The following TANGO2 variants were observed in gnomAD, a reference collection of about 807,000 sequenced individuals.
TANGO2 encodes transport and golgi organization 2 homolog.
Under a neutral mutation model 39.1 loss-of-function variants are expected in TANGO2, and 26 were observed. The ratio of observed to expected loss-of-function variants is 0.67; its 90% confidence interval spans 0.49 to 0.92. The LOEUF (loss-of-function observed/expected upper bound fraction) is 0.92, where lower values mean the gene tolerates loss of function less well. Ranked by LOEUF, TANGO2 falls within the 40% of genes least tolerant of loss-of-function variation. TANGO2 has a pLI of 0.00. For synonymous variants in TANGO2, 131 were observed against 144.5 expected, an observed-to-expected ratio of 0.91 and a Z score of 0.67; for missense variants, 326 against 360.1, an observed-to-expected ratio of 0.91 and a Z score of 0.77.
intron 2 of TANGO2, among the ~76,000 whole-genome samples, chr22:20,038,945 T>C (rs1043011363): frequency 6.6e-6 from 1 of 151,566 alleles, no homozygotes; most frequent in Non-Finnish European, 1.5e-5. Context: ...TTTATTATTA[T>C]TATTATTATT....
At chr22:20,040,036 G>T (rs966321798) in intron 2 of TANGO2, among the ~76,000 whole-genome samples, 1 of 152,160 alleles carries the variant, frequency 6.6e-6, no homozygotes, top group African/African-American at 2.4e-5. Context: ...CTCTCTGGAC[G>T]TGGGGCGCAG....
In TANGO2 at chr22:20,040,706, C is replaced by A. The variant is rs373850943; in HGVS notation, c.57-2649C>A. Among the ~76,000 whole-genome samples, 5 of 152,348 alleles carry A rather than the reference C, an allele frequency of 3.3e-5. No homozygotes were observed. The East Asian group carries it at 9.6e-4, about 29-fold the overall frequency. ...ATCCAGGTCTGGGGCAAGTGCACTGCCTTCTACTAGCACTGTCCAGCCCAG... is the reference window on the plus strand; with the variant it reads ...ATCCAGGTCTGGGGCAAGTGCACTGACTTCTACTAGCACTGTCCAGCCCAG... On this transcript the variant is annotated intron_variant, in intron 2 of 8. Coordinates refer to ENST00000327374, the MANE Select transcript of TANGO2 (RefSeq NM_152906.7).
At chr22:20,044,595 C>A (rs370250447) in intron 3 of TANGO2, among the ~76,000 whole-genome samples, 18 of 152,248 alleles carry the variant, frequency 1.2e-4, no homozygotes, top group South Asian at 1.0e-3. Flanking sequence ...CCTGTGTAGG[C>A]CTGTGGCCTG....
intron 1 of TANGO2, among the ~76,000 whole-genome samples, chr22:20,027,722 C>T (rs772711953): frequency 1.3e-5 from 2 of 152,172 alleles, no homozygotes; most frequent in South Asian, 2.1e-4. Context: ...ATCCTTCTGC[C>T]TCAGCCTCCT....
chr22:20,059,477 C>A (rs773020949), intron 6 of TANGO2, among the ~76,000 whole-genome samples: 1 of 152,216 alleles, frequency 6.6e-6, no homozygotes, highest in African/African-American at 2.4e-5. Flanking sequence ...CCAAAGCAGC[C>A]GCAGCATTAT....
intron 1 of TANGO2, among the ~76,000 whole-genome samples, chr22:20,026,176 G>C (rs566196128): frequency 6.6e-6 from 1 of 152,196 alleles, no homozygotes; most frequent in Non-Finnish European, 1.5e-5. Flanking sequence ...GAGGCGGGGG[G>C]ATCATGAGGT....
chr22:20,021,844 CT>C lies in TANGO2; in HGVS notation c.-40+599del, dbSNP rs1338889978. Among the ~76,000 whole-genome samples, 4 of 152,350 alleles carry C rather than the reference CT, an allele frequency of 2.6e-5. No homozygotes were observed. The East Asian group carries it at 5.8e-4, about 22-fold the overall frequency. ...GCTGAGACCCCCACCTTCCCTGCCCCTAGCACCTCTCCTGTGCTCCCTTGGC... is the reference window on the plus strand; with the variant it reads ...GCTGAGACCCCCACCTTCCCTGCCCCAGCACCTCTCCTGTGCTCCCTTGGC... On this transcript the variant is annotated intron_variant, in intron 1 of 8. Transcript: ENST00000327374.
chr22:20,022,116 C>G (rs998627917), intron 1 of TANGO2, among the ~76,000 whole-genome samples: 1 of 152,270 alleles, frequency 6.6e-6, no homozygotes, highest in African/African-American at 2.4e-5. Context: ...AAGGCTTTCT[C>G]ACGCTAGCTC....
intron 2 of TANGO2, among the ~76,000 whole-genome samples, chr22:20,041,918 G>A (rs2044023808): frequency 6.6e-6 from 1 of 152,158 alleles, no homozygotes. Flanking sequence ...GTGATGGCAG[G>A]ACAGCTGAGC....
chr22:20,052,428 G>A (rs1179296509), intron 3 of TANGO2, 37 bp from the exon 4 acceptor site: 1 of 1,571,560 alleles, frequency 6.4e-7, no homozygotes, highest in African/African-American at 1.3e-5. Context: ...ACTGGAATGG[G>A]TGGCATCAAT....
At chr22:20,035,034 G>A (rs1276736312) in intron 1 of TANGO2, among the ~76,000 whole-genome samples, 3 of 152,172 alleles carry the variant, frequency 2.0e-5, no homozygotes, top group Non-Finnish European at 4.4e-5. Flanking sequence ...CAGGGCACCC[G>A]GCAAGGGGAC....
At chr22:20,039,154 G>A (rs115650955) in intron 2 of TANGO2, among the ~76,000 whole-genome samples, 7,256 of 149,144 alleles carry the variant, frequency 0.049, 210 homozygotes, top group African/African-American at 0.055. Context: ...GGGTGGTCTC[G>A]AACTCCTGGG....
upstream of TANGO2, chr22:20,017,073 C>G (rs1191809519): frequency 6.6e-6 from 1 of 152,184 alleles, no homozygotes; most frequent in Non-Finnish European, 1.5e-5. Flanking sequence ...GGACCGCTCC[C>G]TCCCAGCCGA....
chr22:20,040,081 T>C lies in TANGO2; in HGVS notation c.56+3227T>C, dbSNP rs143084532. On this transcript the variant is annotated intron_variant, in intron 2 of 8. Coordinates refer to ENST00000327374, the MANE Select transcript of TANGO2 (RefSeq NM_152906.7). Reference sequence around the variant, plus strand: ...TACCCATGTGCAGCCCCACCAGTGATGACTGAGAGAGCTACTTCCTCCTCC... The same window carrying C: ...TACCCATGTGCAGCCCCACCAGTGACGACTGAGAGAGCTACTTCCTCCTCC... Among the ~76,000 whole-genome samples, 483 of 152,294 alleles carry C rather than the reference T, an allele frequency of 3.2e-3. 11 individuals are homozygous for C. The South Asian group carries it at 0.054, about 17-fold the overall frequency.
chr22:20,022,664 G>A (rs1318125773), intron 1 of TANGO2, among the ~76,000 whole-genome samples: 2 of 152,256 alleles, frequency 1.3e-5, no homozygotes, highest in South Asian at 4.1e-4. Context: ...CACGTGCAGT[G>A]TCCTGGGAAC....
At chr22:20,055,252 C>T (rs1443035057) in intron 5 of TANGO2, 3 of 152,706 alleles carry the variant, frequency 2.0e-5, no homozygotes, top group Non-Finnish European at 4.4e-5. Context: ...GGAATATTTT[C>T]AGCTGGGGAG....
chr22:20,032,391 G>A (rs960536027), intron 1 of TANGO2, among the ~76,000 whole-genome samples: 1 of 152,286 alleles, frequency 6.6e-6, no homozygotes, highest in African/African-American at 2.4e-5. Flanking sequence ...TGCAGAGACT[G>A]GGCGTGGCTT....
At chr22:20,041,985 C>CTT (rs769326660) in intron 2 of TANGO2, among the ~76,000 whole-genome samples, 6 of 141,888 alleles carry the variant, frequency 4.2e-5, no homozygotes, top group Non-Finnish European at 4.7e-5. Flanking sequence ...TCAGCCATCA[C>CTT]TTTTTTTTTT....
chr22:20,041,547 C>T (rs576950373), intron 2 of TANGO2, among the ~76,000 whole-genome samples: 10 of 152,108 alleles, frequency 6.6e-5, no homozygotes, highest in East Asian at 3.9e-4. Context: ...CTCTTGACCT[C>T]GTGATCCTCC....
Sources: gnomAD v4.1 joint callset for allele counts (sites outside exome capture counted in the v4.1 genomes callset) on GRCh38, gnomAD v4.1.1 for gene constraint, MANE v1.5 for transcripts, NCBI Gene and HGNC (gene_info 2026-07-23, HGNC 2026-07-21) for gene names.